The following COL5A3 variants were observed in gnomAD, a reference collection of about 807,000 sequenced individuals.
The protein encoded by COL5A3 is collagen alpha-3(V) chain.
COL5A3 carries 172 observed loss-of-function variants against 250.0 expected under a neutral mutation model. The observed-to-expected ratio is 0.69, with a 90% CI of 0.61 to 0.78. COL5A3 has a LOEUF of 0.78. Among genes scored for constraint, COL5A3 ranks in the 30% least tolerant of loss-of-function variants. The pLI, the probability that COL5A3 is intolerant of heterozygous loss-of-function variation, is 0.00. For synonymous variants in COL5A3, 937 were observed against 900.4 expected (o/e 1.04, Z -0.73); for missense variants, 2,340 against 2,334.4 (o/e 1.00, Z -0.05).
chr19:9,966,389 C>T lies in COL5A3; in HGVS notation c.4707G>A (p.Arg1569=). Residue 1569 remains arginine (R), a synonymous_variant, in exon 64 of 67, where the codon CGG becomes CGA. Coordinates refer to ENST00000264828, the MANE Select transcript of COL5A3 (RefSeq NM_015719.4). ...AGTTGCAAAAAACCCTGAACGAGTC[C>T]CGCGCGCAGCCCTGGTTGGGGTCAA... The part of the protein sequence containing the change: ...YWIDPNQGCA[R]DSFRVFCNFT... 6.2e-7 allele frequency: 1 copy of T among 1,609,194 alleles called. No individual in the cohort carries two copies. The highest frequency in any genetic ancestry group is 8.5e-7 in the Non-Finnish European group (1 of 1,177,018).
chr19:9,995,897 G>A (rs2087262063), intron 15 of COL5A3, 169 bp downstream of exon 15: 3 of 722,068 alleles, frequency 4.2e-6, no homozygotes, highest in East Asian at 2.7e-5. Flanking sequence ...TCCCACCTCG[G>A]CCTCCCAAAG....
intron 4 of COL5A3, among the ~76,000 whole-genome samples, chr19:10,004,752 A>C (rs2087417077): frequency 1.3e-5 from 2 of 152,166 alleles, no homozygotes; most frequent in South Asian, 4.1e-4. Flanking sequence ...CATCACGGTC[A>C]CACACAGCTA....
chr19:9,973,690 T>C (rs2145077098), intron 49 of COL5A3, 66 bp downstream of exon 49: 1 of 1,611,538 alleles, frequency 6.2e-7, no homozygotes, highest in African/African-American at 1.3e-5. Context: ...CTCCCCAGAA[T>C]GTCCCTGCCC....
intron 1 of COL5A3, among the ~76,000 whole-genome samples, chr19:10,007,030 T>TC (rs138605811): frequency 6.1e-5 from 9 of 147,764 alleles, no homozygotes; most frequent in African/African-American, 2.3e-4. Flanking sequence ...CTCCTGACTT[T>TC]CCCCTCTGAC....
At chr19:9,978,836 C>A in intron 40 of COL5A3, 55 bp downstream of exon 40, 1 of 1,240,420 alleles carries the variant, frequency 8.1e-7, no homozygotes, top group African/African-American at 1.6e-5. Context: ...TCCCCTGACC[C>A]CCCCATCCTT....
rs756469748 is a variant in COL5A3, at chr19:9,962,814, C to G, written c.4851+5G>C. ...TCACTCCCCATCTCGGCCTCGGTGA[C>G]TCACCTTCTTCCCTCGACGGAATGT... On this transcript the variant is annotated splice_donor_5th_base_variant and intron_variant, in intron 65 of 66. Transcript: ENST00000264828. 2 of 1,608,472 alleles carry G rather than the reference C, an allele frequency of 1.2e-6. No individual in the cohort carries two copies. Among genetic ancestry groups the G allele is most frequent in the Admixed American group, 3.4e-5 (2 of 59,418 alleles).
In COL5A3 at chr19:9,968,653, A is replaced by T; in HGVS notation, c.4206+22T>A. ...AAAGAGGGGAGGAGATGGGGAAGAG[A>T]ATAATGGAATGATGTCCTTACCTTT... On this transcript the variant is annotated intron_variant, in intron 58 of 66. Transcript: ENST00000264828. This position sits in a 1 kb window ranked among gnomAD's most constrained non-coding sequence, Gnocchi z 4.1. 1 of 1,607,446 alleles carries T rather than the reference A, an allele frequency of 6.2e-7. No individual in the cohort carries two copies. The highest frequency in any genetic ancestry group is 8.5e-7 in the Non-Finnish European group (1 of 1,177,008).
chr19:9,977,112 G>A (rs969540929), intron 44 of COL5A3, 117 bp downstream of exon 44: 14 of 996,482 alleles, frequency 1.4e-5, no homozygotes, highest in Non-Finnish European at 1.7e-5. Context: ...GATGGTACCC[G>A]AGAAGGCAGA....
intron 54 of COL5A3, among the ~76,000 whole-genome samples, chr19:9,970,381 GGGCTGTGGGGT>G (rs1216262332): frequency 0.015 from 1,838 of 124,608 alleles, no homozygotes; most frequent in South Asian, 0.029. Flanking sequence ...GGGTAAGCGG[GGGCTGTGGGGT>G]GAGTGGGGTC....
chr19:9,972,485 G>A (rs940939389), intron 51 of COL5A3, among the ~76,000 whole-genome samples: 1 of 152,102 alleles, frequency 6.6e-6, no homozygotes, highest in African/African-American at 2.4e-5. Context: ...ATTCATCCGT[G>A]TTCTGGGGGT....
chr19:9,991,813 C>T lies in COL5A3; in HGVS notation c.1922G>A (p.Gly641Glu). The T allele has an allele frequency of 6.2e-7, 1 of 1,608,922 alleles. No individual in the cohort carries two copies. The highest frequency in any genetic ancestry group is 8.5e-7 in the Non-Finnish European group (1 of 1,177,754). ...CTGGGACCCATGGTTTCCCTGCTGT[C>T]CCGGAGGGCCTGGTTCTCCTGGAGG... ...VGPPGEPGPP[G>E]QQGNHGSQGL... is the part of the protein sequence containing the mutation. The change falls in exon 23 of 67, where the codon GGA becomes GAA. Residue 641 changes from glycine to glutamate, a missense_variant. Gly to Glu is a moderately conservative substitution (Grantham distance 98). Around this residue, in one of 3 missense-constraint regions of COL5A3, gnomAD observed 1,152 missense variants for 1,146.3 expected, o/e 1.00. Coordinates refer to ENST00000264828, the MANE Select transcript of COL5A3 (RefSeq NM_015719.4).
intron 28 of COL5A3, 35 bp downstream of exon 28, chr19:9,986,679 C>T (rs2087105044): frequency 3.7e-6 from 6 of 1,613,694 alleles, no homozygotes; most frequent in African/African-American, 2.7e-5. Flanking sequence ...ATGATTGGGA[C>T]TCCCTCTCCT....
At chr19:10,008,731 G>A (rs1471508156) in intron 1 of COL5A3, among the ~76,000 whole-genome samples, 4 of 152,182 alleles carry the variant, frequency 2.6e-5, no homozygotes, top group African/African-American at 7.2e-5. Flanking sequence ...TCTAATGGAG[G>A]GATTAGATAC....
chr19:10,004,345 A>G (rs2087409521), intron 4 of COL5A3, among the ~76,000 whole-genome samples, 200 bp from the exon 5 acceptor site: 1 of 152,164 alleles, frequency 6.6e-6, no homozygotes, highest in Non-Finnish European at 1.5e-5. Context: ...TAAGAGAAGG[A>G]AAGATCCTAT....
At chr19:10,004,369 G>A (rs546087198) in intron 4 of COL5A3, among the ~76,000 whole-genome samples, 92 of 152,254 alleles carry the variant, frequency 6.0e-4, no homozygotes, top group African/African-American at 2.0e-3. Context: ...GGGCACACCC[G>A]ATCCCAACCA....
At chr19:10,010,215 CCT>C in intron 1 of COL5A3, 81 bp downstream of exon 1, 5 of 950,546 alleles carry the variant, frequency 5.3e-6, no homozygotes, top group African/African-American at 1.7e-5. Context: ...CCTCCACGCC[CCT>C]CCACCCCCCT....
chr19:10,005,738 G>T lies in COL5A3; in HGVS notation c.438-24C>A, dbSNP rs534098987. 4.4e-6 allele frequency: 7 copies of T among 1,600,172 alleles called. No homozygotes were observed. The African/African-American group carries it at 5.4e-5, about 12-fold the overall frequency. On this transcript the variant is annotated intron_variant, in intron 3 of 66. Coordinates refer to ENST00000264828, the MANE Select transcript of COL5A3 (RefSeq NM_015719.4). ...ACCTGCAAGGGGACGGCCTCAGTGC[G>T]GGTGCTTCTCACCCCACCCCTTATC...
chr19:9,980,591 A>ATTTC, intron 35 of COL5A3, 57 bp downstream of exon 35: 1 of 1,505,270 alleles, frequency 6.6e-7, no homozygotes, highest in Non-Finnish European at 9.0e-7. Context: ...TCCACTCAGA[A>ATTTC]TCTCTCTCTC....
chr19:9,994,891 A>G (rs1423165729), intron 16 of COL5A3, among the ~76,000 whole-genome samples: 1 of 151,780 alleles, frequency 6.6e-6, no homozygotes, highest in Non-Finnish European at 1.5e-5. Context: ...TTATAATCTC[A>G]TGGGACCAGC....
Sources: allele counts gnomAD v4.1 joint callset (sites outside exome capture counted in the v4.1 genomes callset), GRCh38; gene constraint gnomAD v4.1.1; regional missense constraint gnomAD v4.1.1; non-coding constraint Gnocchi (gnomAD v3.1); transcripts MANE v1.5; gene names NCBI Gene and HGNC (gene_info 2026-07-23, HGNC 2026-07-21).